The following HS3ST2 variants were observed in gnomAD, a reference collection of about 807,000 sequenced individuals.
HS3ST2 encodes the protein heparan sulfate glucosamine 3-O-sulfotransferase 2.
Under a neutral mutation model 26.3 loss-of-function variants are expected in HS3ST2, and 17 were observed. The observed-to-expected ratio is 0.65, with a 90% CI of 0.44 to 0.97. The LOEUF is 0.97. HS3ST2 is among the 50% of genes least tolerant of loss of function. HS3ST2 has a pLI of 0.00. For missense variants in HS3ST2, 402 were observed against 501.2 expected (o/e 0.80, Z 1.89); for synonymous variants, 237 against 219.2 (o/e 1.08, Z -0.72).
At chr16:22,871,466 G>A (rs559581775) in intron 1 of HS3ST2, among the ~76,000 whole-genome samples, 1 of 152,222 alleles carries the variant, frequency 6.6e-6, no homozygotes, top group Non-Finnish European at 1.5e-5. Flanking sequence ...AAGCTACAAT[G>A]TTTACTAGGT....
At chr16:22,831,486 A>G (rs894748337) in intron 1 of HS3ST2, among the ~76,000 whole-genome samples, 1 of 152,156 alleles carries the variant, frequency 6.6e-6, no homozygotes, top group Non-Finnish European at 1.5e-5. Context: ...GCTCCGCAGT[A>G]TTTTTAGGTC....
At chr16:22,838,323 TG>T (rs1353512741) in intron 1 of HS3ST2, among the ~76,000 whole-genome samples, 1 of 152,084 alleles carries the variant, frequency 6.6e-6, no homozygotes, top group Non-Finnish European at 1.5e-5. Context: ...CTCTGGAATA[TG>T]TTCGAAGCTG....
At chr16:22,843,657 G>A (rs1372160662) in intron 1 of HS3ST2, among the ~76,000 whole-genome samples, 5 of 152,100 alleles carry the variant, frequency 3.3e-5, no homozygotes, top group Admixed American at 6.5e-5. Flanking sequence ...TCATGGAGGC[G>A]GGGTGCATCA....
chr16:22,906,351 C>G (rs1902352180), intron 1 of HS3ST2, among the ~76,000 whole-genome samples: 2 of 121,998 alleles, frequency 1.6e-5, no homozygotes, highest in Non-Finnish European at 3.6e-5. Flanking sequence ...AGCCTGGCGA[C>G]AGAGCGAGAC....
chr16:22,851,586 G>C (rs1024493312), intron 1 of HS3ST2, among the ~76,000 whole-genome samples: 2 of 152,200 alleles, frequency 1.3e-5, no homozygotes, highest in Non-Finnish European at 2.9e-5. Context: ...CTGAAGGAGA[G>C]AATCTCAGAT....
chr16:22,839,691 CCTG>C (rs1326953832), intron 1 of HS3ST2, among the ~76,000 whole-genome samples: 2 of 152,042 alleles, frequency 1.3e-5, no homozygotes, highest in African/African-American at 4.8e-5. Flanking sequence ...CAGCCACCCA[CCTG>C]CTACTCTTGC....
At chr16:22,851,114 G>A (rs1901513039) in intron 1 of HS3ST2, among the ~76,000 whole-genome samples, 1 of 152,148 alleles carries the variant, frequency 6.6e-6, no homozygotes, top group Admixed American at 6.5e-5. Context: ...GAAGCTGCAG[G>A]ACATCTTATA....
intron 1 of HS3ST2, among the ~76,000 whole-genome samples, chr16:22,831,670 G>T (rs1279317498): frequency 6.6e-6 from 1 of 151,896 alleles, no homozygotes. Flanking sequence ...CTGTAACTTG[G>T]ATGAATCTCA....
At chr16:22,879,525 A>T (rs1901960616) in intron 1 of HS3ST2, among the ~76,000 whole-genome samples, 1 of 152,202 alleles carries the variant, frequency 6.6e-6, no homozygotes, top group East Asian at 1.9e-4. Flanking sequence ...GGGGCATCCC[A>T]GTTGGAAATC....
chr16:22,862,110 GCCAAGTACAGCAC>G, intron 1 of HS3ST2, among the ~76,000 whole-genome samples: 1 of 152,242 alleles, frequency 6.6e-6, no homozygotes, highest in African/African-American at 2.4e-5. Context: ...TAGCCTTAAT[GCCAAGTACAGCAC>G]CTGGCACTTA....
At chr16:22,832,151 C>CT (rs71151684) in intron 1 of HS3ST2, among the ~76,000 whole-genome samples, 11,016 of 115,448 alleles carry the variant, frequency 0.095, 813 homozygotes, top group African/African-American at 0.2. Context: ...CCCAGCTGAT[C>CT]TTTTTTTTTT....
chr16:22,838,749 A>G (rs1032087845), intron 1 of HS3ST2, among the ~76,000 whole-genome samples: 2 of 152,214 alleles, frequency 1.3e-5, no homozygotes, highest in Admixed American at 6.5e-5. Flanking sequence ...ATGAAAAGTC[A>G]GTTCTTCCTC....
At chr16:22,892,110 TAAAAAA>T (rs55853160) in intron 1 of HS3ST2, among the ~76,000 whole-genome samples, 1 of 113,664 alleles carries the variant, frequency 8.8e-6, no homozygotes. Context: ...CCATCTCTAC[TAAAAAA>T]AAAAAAAAAA....
intron 1 of HS3ST2, among the ~76,000 whole-genome samples, chr16:22,891,385 G>T (rs905853566): frequency 2.0e-5 from 3 of 152,104 alleles, no homozygotes; most frequent in African/African-American, 7.2e-5. Flanking sequence ...GGAAGCTGAG[G>T]CTCAGACTGA....
At chr16:22,824,205 GATGCAAA>G (rs1208213627) in intron 1 of HS3ST2, among the ~76,000 whole-genome samples, 1 of 152,178 alleles carries the variant, frequency 6.6e-6, no homozygotes, top group Non-Finnish European at 1.5e-5. Context: ...AAAATCTCAG[GATGCAAA>G]ATACCTTTTC....
At chr16:22,884,327 T>C (rs1350725093) in intron 1 of HS3ST2, among the ~76,000 whole-genome samples, 1 of 152,218 alleles carries the variant, frequency 6.6e-6, no homozygotes, top group Non-Finnish European at 1.5e-5. Context: ...AAATAATTTG[T>C]GTAAGAACAC....
intron 1 of HS3ST2, among the ~76,000 whole-genome samples, chr16:22,844,317 T>C (rs142868380): frequency 1.3e-5 from 2 of 152,244 alleles, no homozygotes; most frequent in African/African-American, 4.8e-5. Context: ...TTCTCAAGAC[T>C]TAGATTTTCC....
At chr16:22,873,437 C>A (rs1385697519) in intron 1 of HS3ST2, among the ~76,000 whole-genome samples, 1 of 152,226 alleles carries the variant, frequency 6.6e-6, no homozygotes, top group East Asian at 1.9e-4. Flanking sequence ...GGACCATTTT[C>A]TCAACTTCTA....
intron 1 of HS3ST2, among the ~76,000 whole-genome samples, chr16:22,836,864 G>A (rs1026497246): frequency 6.6e-6 from 1 of 151,906 alleles, no homozygotes; most frequent in Admixed American, 6.6e-5. Flanking sequence ...CACCATGTTG[G>A]CCAGGCTAGT....
Sources: gnomAD v4.1 joint callset for allele counts (sites outside exome capture counted in the v4.1 genomes callset) on GRCh38, gnomAD v4.1.1 for gene constraint, MANE v1.5 for transcripts, NCBI Gene and HGNC (gene_info 2026-07-23, HGNC 2026-07-21) for gene names.